ERICH1: variants seen among roughly 807,000 people sequenced by gnomAD.
The protein encoded by ERICH1 is glutamate rich 1, also known as glutamate-rich protein 1.
In ERICH1, 56 loss-of-function variants were observed where a neutral mutation model predicts 39.6. The ratio of observed to expected loss-of-function variants is 1.41; its 90% CI spans 1.14 to 1.77. The LOEUF is 1.77. ERICH1 is among the 40% of genes most tolerant of loss of function. The pLI is 0.00. For synonymous variants in ERICH1, 313 were observed against 223.6 expected (o/e 1.40, Z -3.57); for missense variants, 826 against 575.4 (o/e 1.44, Z -4.45).
At chr8:641,207 G>A (rs1798940444) in intron 3 of ERICH1, 1 of 152,196 alleles carries the variant, frequency 6.6e-6, no homozygotes, top group Non-Finnish European at 1.5e-5. Context: ...ATTTGCTGGA[G>A]TCTGACCACG....
rs184292652 is a variant in ERICH1, at chr8:693,526, G to A, written c.170-914C>T. On this transcript the variant is annotated intron_variant, in intron 2 of 5. Transcript: ENST00000262109. ...TGCAGACGGCTGCTGGAACCTCCCC[G>A]CTGTATGCTCCTCTACCAGAGGTCG... Among the ~76,000 whole-genome samples, 241 of 152,268 alleles carry A rather than the reference G, an allele frequency of 1.6e-3. 3 individuals are homozygous for A. The highest frequency in any genetic ancestry group is 5.6e-3 in the South Asian group (27 of 4,818).
chr8:674,190 A>C, intron 3 of ERICH1, 143 bp from the exon 4 acceptor site: 1 of 949,204 alleles, frequency 1.1e-6, no homozygotes, highest in Middle Eastern at 3.4e-4. Context: ...TCTCAACTTT[A>C]CCATCAAAGA....
chr8:715,987 G>A lies in ERICH1; in HGVS notation c.43C>T (p.Gln15Ter), dbSNP rs377213090. 2 of 1,611,422 alleles carry A rather than the reference G, an allele frequency of 1.2e-6. No individual in the cohort carries two copies. The highest frequency in any genetic ancestry group is 1.1e-5 in the South Asian group (1 of 90,678). Residue 15 changes from glutamine (Q) to a stop codon, truncating the protein, a stop_gained, in exon 2 of 6, where the codon CAG becomes TAG. Coordinates refer to ENST00000262109, the MANE Select transcript of ERICH1 (RefSeq NM_207332.3). LOFTEE classifies it high-confidence loss of function. The stretch of plus-strand genomic sequence containing the variant: ...CTTGGAACAGGAGGAAAAAGTCTCT[G>A]CAGCACCTTCTCCACAAACACTGTA... ...RKHVFVEKVL[Q>*]RLFPPVPSGQ...
chr8:652,994 T>C (rs963018368), intron 3 of ERICH1, among the ~76,000 whole-genome samples: 12 of 152,228 alleles, frequency 7.9e-5, no homozygotes, highest in Non-Finnish European at 4.4e-5. Flanking sequence ...TCATGTGCTG[T>C]TGCTGGGAAT....
chr8:634,718 G>A (rs1798290713), intron 3 of ERICH1, among the ~76,000 whole-genome samples: 1 of 152,186 alleles, frequency 6.6e-6, no homozygotes, highest in South Asian at 2.1e-4. Flanking sequence ...GGTGTGAGAG[G>A]GGCCGCTGTG....
rs369569403 is a variant in ERICH1, at chr8:715,236, C to T, written c.169+625G>A. Reference sequence around the variant, plus strand: ...TCTCGTGTCTCTCAGTAGGATGTGCCGCAGACAGGTGGTCTATTCCCGTGT... The same window carrying T: ...TCTCGTGTCTCTCAGTAGGATGTGCTGCAGACAGGTGGTCTATTCCCGTGT... On this transcript the variant is annotated intron_variant, in intron 2 of 5. Transcript: ENST00000262109. 2.6e-3 allele frequency among the ~76,000 whole-genome samples: 360 copies of T among 138,270 alleles called. 3 individuals are homozygous for T. The highest frequency in any genetic ancestry group is 0.017 in the South Asian group (68 of 4,112). 90.7% of individuals were successfully genotyped at this position (138,270 alleles called of 152,430 possible).
rs1799559157 is a variant in ERICH1, at chr8:647,926, G to A, written c.976+20672C>T. Reference sequence around the variant, plus strand: ...AGGCTGAAGTTACATGGCTGTGTGCGCCTGCAAGTTAAAACTCACTGCATC... The same window carrying A: ...AGGCTGAAGTTACATGGCTGTGTGCACCTGCAAGTTAAAACTCACTGCATC... On this transcript the variant is annotated intron_variant, in intron 3 of 3. Transcript: ENST00000522706. 3.0e-5 allele frequency among the ~76,000 whole-genome samples: 2 copies of A among 67,530 alleles called. 1 individual carries two copies. Among genetic ancestry groups the A allele is most frequent in the Admixed American group, 2.5e-4 (2 of 7,992 alleles). The allele number at this position is 67,530 out of a possible 152,430, so 44.3% of individuals were successfully genotyped here. A position where few individuals can be genotyped will look rare whatever the true frequency, so the allele number is the denominator to read the frequency against.
At chr8:661,522 T>G (rs1044814591), downstream of ERICH1, among the ~76,000 whole-genome samples, 11 of 152,322 alleles carry the variant, frequency 7.2e-5, no homozygotes, top group East Asian at 2.1e-3. Context: ...CCTGACTGTT[T>G]CCTTCTCTGC....
At chr8:728,057 GCTGTGGTCCTCACCCCAGCAT>G (rs1819193152) in intron 1 of ERICH1, among the ~76,000 whole-genome samples, 1 of 152,212 alleles carries the variant, frequency 6.6e-6, no homozygotes, top group Non-Finnish European at 1.5e-5. Context: ...CCTCCATGAG[GCTGTGGTCCTCACCCCAGCAT>G]CTGAGGATCG....
In ERICH1 at chr8:674,066, T is replaced by C. The variant is rs765825221; in HGVS notation, c.305-19A>G. The C allele has an allele frequency of 1.7e-5, 26 of 1,517,158 alleles. No homozygotes were observed. Among genetic ancestry groups the C allele is most frequent in the African/African-American group, 2.8e-5 (2 of 71,618 alleles). The allele number at this position is 1,517,158 out of a possible 1,614,324, so 94.0% of individuals were successfully genotyped here. ...TCCTGATCTGTTAAAAAAATTCAAA[T>C]ATAACAATTTTCAGTACAATGAAAC... On this transcript the variant is annotated intron_variant, in intron 3 of 5. Transcript: ENST00000262109.
At chr8:623,546 T>A (rs907788420) in intron 3 of ERICH1, among the ~76,000 whole-genome samples, 1 of 152,242 alleles carries the variant, frequency 6.6e-6, no homozygotes, top group Non-Finnish European at 1.5e-5. Flanking sequence ...ATATTTAGGT[T>A]ATACAATAGG....
intron 3 of ERICH1, among the ~76,000 whole-genome samples, chr8:678,761 T>C (rs765422575): frequency 1.4e-4 from 21 of 152,104 alleles, no homozygotes; most frequent in Non-Finnish European, 1.6e-4. Flanking sequence ...TGAGCCCAGA[T>C]TGCACCACTG....
rs1386027625 is a variant in ERICH1, at chr8:664,509, T to G, written c.*94A>C. 2.1e-6 allele frequency: 3 copies of G among 1,428,300 alleles called. No homozygotes were observed. The African/African-American group carries it at 4.3e-5, about 20-fold the overall frequency. The allele number at this position is 1,428,300 out of a possible 1,614,324, so 88.5% of individuals were successfully genotyped here. On this transcript the variant is annotated 3_prime_UTR_variant, in exon 6 of 6. Coordinates refer to ENST00000262109, the MANE Select transcript of ERICH1 (RefSeq NM_207332.3). ...ATAAATAATATGGCATAAATGTCTT[T>G]CAAGTTCCCAGAGAACTAACTCTAA...
rs1277756303 is a variant in ERICH1 at position 715,902 on chromosome 8, G to T, written c.128C>A (p.Thr43Asn). Reference protein sequence around the residue: ...LAVQNPPKKVTSEKVSQKHAE... With the variant: ...LAVQNPPKKVNSEKVSQKHAE... Reference sequence around the variant, plus strand: ...ATGTTTCTGGCTCACTTTCTCAGAGGTCACTTTCTTTGGTGGATTTTGGAC... The same window carrying T: ...ATGTTTCTGGCTCACTTTCTCAGAGTTCACTTTCTTTGGTGGATTTTGGAC... The change falls in exon 2 of 6, where the codon ACC (threonine) becomes AAC (asparagine). Residue 43 changes from threonine (T) to asparagine (N), a missense_variant. Transcript: ENST00000262109. 6.2e-7 allele frequency: 1 copy of T among 1,613,834 alleles called. No homozygotes were observed. Among genetic ancestry groups the T allele is most frequent in the East Asian group, 2.2e-5 (1 of 44,880 alleles).
At chr8:702,824 A>C (rs1165528110) in intron 2 of ERICH1, among the ~76,000 whole-genome samples, 2 of 152,342 alleles carry the variant, frequency 1.3e-5, no homozygotes, top group Admixed American at 1.3e-4. Context: ...GGAAGCCAGA[A>C]GGCAGGAGCG....
chr8:702,700 G>C (rs1486049602), intron 2 of ERICH1, among the ~76,000 whole-genome samples: 4 of 152,386 alleles, frequency 2.6e-5, no homozygotes, highest in East Asian at 3.9e-4. Context: ...CTCGGCAGGA[G>C]GGTTTGCATG....
chr8:690,141 C>G (rs1412961606), intron 3 of ERICH1, among the ~76,000 whole-genome samples: 2 of 152,166 alleles, frequency 1.3e-5, no homozygotes, highest in East Asian at 3.9e-4. Flanking sequence ...CCCATTAACC[C>G]AGGTGGCAGA....
At chr8:618,845 G>A (rs946534936) in intron 3 of ERICH1, among the ~76,000 whole-genome samples, 12 of 152,294 alleles carry the variant, frequency 7.9e-5, no homozygotes, top group African/African-American at 2.9e-4. Context: ...CCGAGTTGGA[G>A]ATCAGTGGTG....
At chr8:634,195 A>AAAAAACAAACAAACAAACAAAC (rs1563171390) in intron 3 of ERICH1, among the ~76,000 whole-genome samples, 6 of 147,948 alleles carry the variant, frequency 4.1e-5, no homozygotes, top group African/African-American at 7.6e-5. Context: ...AACAAACAAA[A>AAAAAACAAACAAACAAACAAAC]AAAACCCTGA....
Sources: allele counts gnomAD v4.1 joint callset (sites outside exome capture counted in the v4.1 genomes callset), GRCh38; gene constraint gnomAD v4.1.1; transcripts MANE v1.5; gene names NCBI Gene and HGNC (gene_info 2026-07-23, HGNC 2026-07-21).